The following CBFB variants were observed in gnomAD, a reference collection of about 807,000 sequenced individuals.
CBFB encodes core-binding factor subunit beta.
A neutral mutation model predicts 30.4 loss-of-function variants in CBFB; 9 were observed. That is an observed-to-expected ratio of 0.30 (90% CI 0.18 to 0.52). The LOEUF (loss-of-function observed/expected upper bound fraction) is 0.52. CBFB is among the 20% of genes least tolerant of loss of function. The pLI, the probability that CBFB is intolerant of heterozygous loss-of-function variation, is 0.97. For synonymous variants in CBFB, 94 were observed against 84.0 expected (o/e 1.12, Z -0.65); for missense variants, 170 against 244.0 (o/e 0.70, Z 2.02).
chr16:67,036,812 C>A, intron 3 of CBFB, 57 bp downstream of exon 3: 1 of 950,144 alleles, frequency 1.1e-6, no homozygotes, highest in Non-Finnish European at 1.7e-6. Flanking sequence ...TAGAGATTAT[C>A]TGGTAATTTA....
chr16:67,050,322 A>G (rs1229582543), intron 3 of CBFB, among the ~76,000 whole-genome samples: 3 of 149,316 alleles, frequency 2.0e-5, no homozygotes, highest in Middle Eastern at 3.3e-3. Context: ...ATGTTCTAAG[A>G]CACACACATA....
chr16:67,046,292 G>C (rs949158933), intron 3 of CBFB, among the ~76,000 whole-genome samples: 18 of 151,896 alleles, frequency 1.2e-4, no homozygotes, highest in African/African-American at 4.1e-4. Context: ...TAGATATGGG[G>C]GTCTCACCAT....
Position 67,098,969 on chromosome 16 carries a change from T to G in CBFB, c.*191T>G. 1 of 449,004 alleles carries G rather than the reference T, an allele frequency of 2.2e-6. No homozygotes were observed. The highest frequency in any genetic ancestry group is 3.9e-6 in the Non-Finnish European group (1 of 253,926). The allele number at this position is 449,004 out of a possible 1,614,324, so 27.8% of individuals were successfully genotyped here. A position where few individuals can be genotyped will look rare whatever the true frequency, so the allele number is the denominator to read the frequency against. On this transcript the variant is annotated 3_prime_UTR_variant, in exon 6 of 6. Coordinates refer to ENST00000412916, the MANE Select transcript of CBFB (RefSeq NM_022845.3). The stretch of plus-strand genomic sequence containing the variant: ...ATGATTATAATACCTGCATTTCTAA[T>G]TTTTTAAGCATGTAGCCAGTAATAA...
chr16:67,099,874 A>T lies in CBFB; in HGVS notation c.*1096A>T, dbSNP rs1200142372. Reference sequence around the variant, plus strand: ...TTATATTGCATGCTTTTGTAAAAACATGCTGGGTGATGAAAGATTAGTTTT... The same window carrying T: ...TTATATTGCATGCTTTTGTAAAAACTTGCTGGGTGATGAAAGATTAGTTTT... On this transcript the variant is annotated 3_prime_UTR_variant, in exon 6 of 6. Coordinates refer to ENST00000412916, the MANE Select transcript of CBFB (RefSeq NM_022845.3). The T allele has an allele frequency of 4.7e-6, 1 of 212,306 alleles. No homozygotes were observed. The highest frequency in any genetic ancestry group is 7.1e-5 in the East Asian group (1 of 14,094). The allele number at this position is 212,306 out of a possible 1,614,324, so 13.2% of individuals were successfully genotyped here.
intron 5 of CBFB, among the ~76,000 whole-genome samples, chr16:67,085,823 GCCCGCCA>G (rs1662424123): frequency 6.6e-6 from 1 of 151,744 alleles, no homozygotes; most frequent in African/African-American, 2.4e-5. Flanking sequence ...GACCACAGGC[GCCCGCCA>G]CCATGCCCGG....
chr16:67,056,128 T>C (rs1960716388), intron 3 of CBFB, among the ~76,000 whole-genome samples: 1 of 152,224 alleles, frequency 6.6e-6, no homozygotes, highest in Non-Finnish European at 1.5e-5. Flanking sequence ...TCTCTATGTT[T>C]TATAAGTTTT....
chr16:67,072,774 C>CA (rs1961264367), intron 4 of CBFB, among the ~76,000 whole-genome samples: 2 of 141,232 alleles, frequency 1.4e-5, no homozygotes, highest in African/African-American at 5.1e-5. Flanking sequence ...CCTCTTTTTT[C>CA]TTTTTTTTTT....
At chr16:67,055,946 AC>A (rs1182288361) in intron 3 of CBFB, among the ~76,000 whole-genome samples, 1 of 152,206 alleles carries the variant, frequency 6.6e-6, no homozygotes. Flanking sequence ...ACAGCAAGCG[AC>A]AGGGTACATA....
At position 67,076,213 on chromosome 16, in the gene CBFB, A is replaced by T. The variant is rs541278510; in HGVS notation, c.400-6000A>T. On this transcript the variant is annotated intron_variant, in intron 4 of 5. Coordinates refer to ENST00000412916, the MANE Select transcript of CBFB (RefSeq NM_022845.3). ...CCACTGCACTCCAGCCTGGTGACAG[A>T]GCTAGACTTCATCTCAAAAAAATTT... Among the ~76,000 whole-genome samples the T allele has an allele frequency of 3.3e-5, 5 of 152,084 alleles. No individual in the cohort carries two copies. The East Asian group carries it at 9.7e-4, about 29-fold the overall frequency.
chr16:67,029,516 C>T (rs781621481), intron 1 of CBFB, 31 bp downstream of exon 1: 2 of 1,565,196 alleles, frequency 1.3e-6, no homozygotes, highest in Non-Finnish European at 1.7e-6. Context: ...GCTAGGAGGC[C>T]GCAGCGCGCC....
Position 67,099,656 on chromosome 16 carries a change from A to G in CBFB, c.*878A>G, listed in dbSNP as rs1179963213. 4.9e-6 allele frequency: 1 copy of G among 204,638 alleles called. No individual in the cohort carries two copies. 12.7% of individuals were successfully genotyped at this position (204,638 alleles called of 1,614,324 possible). A position where few individuals can be genotyped will look rare whatever the true frequency, so the allele number is the denominator to read the frequency against. Reference sequence around the variant, plus strand: ...AGATATTCTCCATAGATGATCTTCTACTGAAATGCCTAAAGAAGTCACAGG... The same window carrying G: ...AGATATTCTCCATAGATGATCTTCTGCTGAAATGCCTAAAGAAGTCACAGG... On this transcript the variant is annotated 3_prime_UTR_variant, in exon 6 of 6. Coordinates refer to ENST00000412916, the MANE Select transcript of CBFB (RefSeq NM_022845.3).
intron 5 of CBFB, among the ~76,000 whole-genome samples, chr16:67,085,176 C>CTG (rs34050273): frequency 6.7e-5 from 10 of 149,808 alleles, no homozygotes; most frequent in African/African-American, 9.9e-5. Flanking sequence ...GTGTGTGTCT[C>CTG]TGTGTGTGTG....
At chr16:67,038,212 C>G (rs548271306) in intron 3 of CBFB, among the ~76,000 whole-genome samples, 2 of 151,748 alleles carry the variant, frequency 1.3e-5, no homozygotes, top group Non-Finnish European at 2.9e-5. Context: ...AATAGCATAA[C>G]CTGCCACATT....
At chr16:67,030,757 G>A (rs1358621234) in intron 2 of CBFB, among the ~76,000 whole-genome samples, 3 of 152,028 alleles carry the variant, frequency 2.0e-5, no homozygotes, top group Admixed American at 6.6e-5. Flanking sequence ...CTGCCACCAC[G>A]CCCGGCTAAT....
chr16:67,065,981 A>G (rs763565474), intron 3 of CBFB, among the ~76,000 whole-genome samples: 16 of 152,226 alleles, frequency 1.1e-4, no homozygotes, highest in Non-Finnish European at 2.2e-4. Context: ...AGATAACCAC[A>G]TACTACTTAA....
At chr16:67,097,501 C>T (rs935730697) in intron 5 of CBFB, among the ~76,000 whole-genome samples, 30 of 148,834 alleles carry the variant, frequency 2.0e-4, no homozygotes, top group Non-Finnish European at 1.6e-4. Flanking sequence ...GCTAAGATTG[C>T]GCCACTGCAC....
At chr16:67,087,103 G>A (rs557639635) in intron 5 of CBFB, among the ~76,000 whole-genome samples, 1 of 152,238 alleles carries the variant, frequency 6.6e-6, no homozygotes, top group East Asian at 1.9e-4. Context: ...AGTATTTCTG[G>A]AGCAAGCTAA....
intron 3 of CBFB, among the ~76,000 whole-genome samples, chr16:67,053,046 A>G (rs1567610522): frequency 6.6e-6 from 1 of 151,444 alleles, no homozygotes; most frequent in Non-Finnish European, 1.5e-5. Context: ...AGAAAACTTT[A>G]CAGTTCTTTT....
intron 2 of CBFB, among the ~76,000 whole-genome samples, chr16:67,035,659 G>A (rs923490078): frequency 2.0e-5 from 3 of 152,194 alleles, no homozygotes; most frequent in African/African-American, 7.2e-5. Flanking sequence ...TGCCCCAAAT[G>A]TGAACCTCTT....
Sources: gnomAD v4.1 joint callset for allele counts (sites outside exome capture counted in the v4.1 genomes callset) on GRCh38, gnomAD v4.1.1 for gene constraint, MANE v1.5 for transcripts, NCBI Gene and HGNC (gene_info 2026-07-23, HGNC 2026-07-21) for gene names.